The following RASAL2 variants were observed in gnomAD, a reference collection of about 807,000 sequenced individuals.
The protein encoded by RASAL2 is RAS protein activator like 2, also known as ras GTPase-activating protein nGAP.
In RASAL2, 58 loss-of-function variants were observed where a neutral mutation model predicts 128.9. The observed-to-expected ratio is 0.45, with a 90% CI of 0.36 to 0.56. The LOEUF (loss-of-function observed/expected upper bound fraction) is 0.56, where lower values mean the gene tolerates loss of function less well. Among genes scored for constraint, RASAL2 ranks in the 20% least tolerant of loss-of-function variants. The probability of loss-of-function intolerance (pLI) is 0.00; values close to 1 mark genes in which losing one functional copy is unlikely to be tolerated. For missense variants in RASAL2, 1,360 were observed against 1,601.6 expected (o/e 0.85, Z 2.57); for synonymous variants, 561 against 580.8 (o/e 0.97, Z 0.49).
intron 3 of RASAL2, among the ~76,000 whole-genome samples, chr1:178,332,126 A>G (rs1183139205): frequency 6.6e-6 from 1 of 152,210 alleles, no homozygotes. Flanking sequence ...TAATTATGCA[A>G]TAAATGATGG....
chr1:178,426,700 A>G (rs1198278046), intron 5 of RASAL2, among the ~76,000 whole-genome samples: 2 of 152,156 alleles, frequency 1.3e-5, no homozygotes, highest in South Asian at 4.1e-4. Context: ...CTCAGTAGAA[A>G]CAATGAAAAC....
intron 1 of RASAL2, among the ~76,000 whole-genome samples, chr1:178,277,449 G>A (rs546540456): frequency 2.6e-5 from 4 of 152,194 alleles, no homozygotes; most frequent in African/African-American, 7.2e-5. Flanking sequence ...GTGAGCCACC[G>A]TTCCTGGCCA....
Position 178,451,712 on chromosome 1 carries a change from A to G in RASAL2, c.1769A>G (p.Tyr590Cys). The G allele has an allele frequency of 3.7e-6, 6 of 1,613,086 alleles. No homozygotes were observed. The highest frequency in any genetic ancestry group is 3.4e-6 in the Non-Finnish European group (4 of 1,179,454). Residue 590 changes from tyrosine to cysteine, a missense_variant, in exon 10 of 18, where the codon TAC (tyrosine) becomes TGC (cysteine). Around this residue, in one of 3 missense-constraint regions of RASAL2, gnomAD observed 741 missense variants for 868.6 expected, o/e 0.85. Coordinates refer to ENST00000367649, the MANE Select transcript of RASAL2 (RefSeq NM_170692.4). ...ELAFCKIINS[Y>C]CVFPRELKEV... ...GCTTTCTGCAAGATCATCAACTCTTACTGGTGAGCTTATCTTATCCTCTGC... is the reference window on the plus strand; with the variant it reads ...GCTTTCTGCAAGATCATCAACTCTTGCTGGTGAGCTTATCTTATCCTCTGC...
chr1:178,229,477 C>CT lies in RASAL2; in HGVS notation c.203-54074dup, dbSNP rs575547698. ...CAAGGAGGATGGTTATTTTGTAGAA[C>CT]TTTTTTTTTTTTTATTGGGAGGGGG... On this transcript the variant is annotated intron_variant, in intron 1 of 17. Transcript: ENST00000367649. Among the ~76,000 whole-genome samples the CT allele has an allele frequency of 7.3e-3, 1,062 of 145,004 alleles. 8 individuals carry two copies. The highest frequency in any genetic ancestry group is 0.016 in the South Asian group (71 of 4,568).
intron 1 of RASAL2, among the ~76,000 whole-genome samples, chr1:178,168,874 AAT>A (rs765400161): frequency 6.6e-6 from 1 of 152,104 alleles, no homozygotes. Context: ...GTCTAATTTT[AAT>A]ATGTTTTTGA....
chr1:178,260,783 G>A (rs139707417), intron 1 of RASAL2, among the ~76,000 whole-genome samples: 3 of 152,022 alleles, frequency 2.0e-5, no homozygotes, highest in Admixed American at 6.6e-5. Context: ...GATGCTAATG[G>A]TGCATTGAAC....
chr1:178,112,203 A>G (rs1176510942), intron 1 of RASAL2, among the ~76,000 whole-genome samples: 1 of 152,066 alleles, frequency 6.6e-6, no homozygotes, highest in Non-Finnish European at 1.5e-5. Context: ...GATGAGGTTG[A>G]TTTATCCCTA....
chr1:178,392,179 A>G (rs1672950166), intron 4 of RASAL2, among the ~76,000 whole-genome samples: 1 of 152,226 alleles, frequency 6.6e-6, no homozygotes, highest in Non-Finnish European at 1.5e-5. Flanking sequence ...TAGAAAAATG[A>G]CCAGATTCAT....
intron 1 of RASAL2, among the ~76,000 whole-genome samples, chr1:178,121,948 C>A (rs1054077510): frequency 1.1e-4 from 16 of 152,144 alleles, no homozygotes; most frequent in African/African-American, 3.9e-4. Context: ...TCATTTTTGG[C>A]TTTAGTCTTC....
At chr1:178,283,467 C>T in intron 1 of RASAL2, 97 bp from the exon 2 acceptor site, 1 of 1,428,078 alleles carries the variant, frequency 7.0e-7, no homozygotes, top group Non-Finnish European at 9.5e-7. Context: ...TTTAGGCTCA[C>T]CTCTTTATTT....
chr1:178,184,360 A>C (rs1394807679), intron 1 of RASAL2, among the ~76,000 whole-genome samples: 2 of 149,712 alleles, frequency 1.3e-5, no homozygotes, highest in African/African-American at 4.9e-5. Flanking sequence ...CCAAAAACTC[A>C]TCAAAATCCA....
chr1:178,453,304 T>G (rs939622009), intron 11 of RASAL2, among the ~76,000 whole-genome samples: 14 of 152,064 alleles, frequency 9.2e-5, no homozygotes, highest in Non-Finnish European at 4.4e-5. Context: ...ATAATAGCAT[T>G]GGTTTATGTA....
At chr1:178,111,153 A>G (rs1234985364) in intron 1 of RASAL2, among the ~76,000 whole-genome samples, 2 of 152,202 alleles carry the variant, frequency 1.3e-5, no homozygotes, top group Non-Finnish European at 2.9e-5. Context: ...TCGATATTCT[A>G]CAATTGTTTG....
At chr1:178,273,573 A>C (rs2102180375) in intron 1 of RASAL2, among the ~76,000 whole-genome samples, 1 of 152,346 alleles carries the variant, frequency 6.6e-6, no homozygotes, top group South Asian at 2.1e-4. Context: ...CTGATGGATT[A>C]CGTATAGGGG....
chr1:178,302,909 C>G (rs1452670709), intron 3 of RASAL2, among the ~76,000 whole-genome samples: 1 of 151,946 alleles, frequency 6.6e-6, no homozygotes, highest in East Asian at 1.9e-4. Flanking sequence ...CCCAGTTACT[C>G]AGGAGGCTGA....
chr1:178,429,925 C>T (rs1366381704), intron 5 of RASAL2, among the ~76,000 whole-genome samples: 1 of 152,062 alleles, frequency 6.6e-6, no homozygotes, highest in Non-Finnish European at 1.5e-5. Context: ...ATTCTTCCCA[C>T]ATATCATCCT....
intron 1 of RASAL2, among the ~76,000 whole-genome samples, chr1:178,198,645 T>C (rs1662757723): frequency 6.6e-6 from 1 of 152,148 alleles, no homozygotes; most frequent in Non-Finnish European, 1.5e-5. Flanking sequence ...ACAGCAAATA[T>C]TGCAGAACAG....
intron 1 of RASAL2, among the ~76,000 whole-genome samples, chr1:178,279,667 G>C (rs1410990667): frequency 6.6e-6 from 1 of 152,120 alleles, no homozygotes; most frequent in South Asian, 2.1e-4. Flanking sequence ...ATTCAGTCTT[G>C]GTTATATGGC....
intron 1 of RASAL2, among the ~76,000 whole-genome samples, chr1:178,271,369 C>T (rs1262318269): frequency 6.6e-6 from 1 of 152,158 alleles, no homozygotes; most frequent in East Asian, 1.9e-4. Context: ...CTCTGTCTCT[C>T]CGTATATAAA....
Sources: gnomAD v4.1 joint callset for allele counts (sites outside exome capture counted in the v4.1 genomes callset) on GRCh38, gnomAD v4.1.1 for gene constraint, gnomAD v4.1.1 regional missense constraint, MANE v1.5 for transcripts, NCBI Gene and HGNC (gene_info 2026-07-23, HGNC 2026-07-21) for gene names.